Variants in STK32B observed in about 807,000 individuals in gnomAD.
The protein encoded by STK32B is serine/threonine kinase 32B.
In STK32B, 43 loss-of-function variants were observed where a neutral mutation model predicts 52.6. The observed-to-expected ratio is 0.82, with a 90% CI of 0.64 to 1.05. The LOEUF is 1.05. STK32B is among the 50% of genes least tolerant of loss of function. The pLI, the probability that STK32B is intolerant of heterozygous loss-of-function variation, is 0.00. For synonymous variants in STK32B, 238 were observed against 204.3 expected (o/e 1.17, Z -1.41); for missense variants, 621 against 534.6 (o/e 1.16, Z -1.59).
At chr4:5,497,516 A>G (rs1720387093) in intron 11 of STK32B, among the ~76,000 whole-genome samples, 1 of 152,118 alleles carries the variant, frequency 6.6e-6, no homozygotes, top group Non-Finnish European at 1.5e-5. Context: ...CAGTTGCCCT[A>G]CCTGGAGAGC....
At chr4:5,381,494 C>T (rs10937640) in intron 4 of STK32B, among the ~76,000 whole-genome samples, 2 of 151,982 alleles carry the variant, frequency 1.3e-5, no homozygotes, top group Non-Finnish European at 2.9e-5. Context: ...AAGGGGCTTT[C>T]GATTGAATGA....
intron 3 of STK32B, among the ~76,000 whole-genome samples, chr4:5,289,520 G>A (rs1356342346): frequency 1.3e-5 from 2 of 151,904 alleles, no homozygotes; most frequent in Non-Finnish European, 2.9e-5. Context: ...GAGGTGTTCA[G>A]TCTCATTAGA....
chr4:5,321,409 C>T lies in STK32B; in HGVS notation c.261-9811C>T, dbSNP rs148300514. ...TTATAAATGTCTTTTGGAATTTGGC[C>T]CAAGAAGAGCAGTTTGGCTTCATCT... On this transcript the variant is annotated intron_variant, in intron 3 of 11. Coordinates refer to ENST00000282908, the MANE Select transcript of STK32B (RefSeq NM_018401.3). Among the ~76,000 whole-genome samples, 404 of 152,188 alleles carry T rather than the reference C, an allele frequency of 2.7e-3. 1 individual carries two copies. The highest frequency in any genetic ancestry group is 9.1e-3 in the African/African-American group (380 of 41,534).
the STK32B span, among the ~76,000 whole-genome samples, chr4:5,020,252 C>T: frequency 5.9e-5 from 9 of 152,158 alleles, no homozygotes; most frequent in South Asian, 2.1e-4. Context: ...ACTTAGACGC[C>T]GTGGGTGCAA....
intron 3 of STK32B, among the ~76,000 whole-genome samples, chr4:5,323,236 C>G (rs1731638717): frequency 6.6e-6 from 1 of 152,088 alleles, no homozygotes. Context: ...GGCTTGCTAC[C>G]TCTTGAGTTC....
chr4:5,446,671 A>C lies in STK32B; in HGVS notation c.563-2A>C, dbSNP rs757609528. 6 of 1,613,660 alleles carry C rather than the reference A, an allele frequency of 3.7e-6. No individual in the cohort carries two copies. The South Asian group carries it at 6.6e-5, about 18-fold the overall frequency. ...ATGTTCTCCTTGTCCTCTCGTTGGC[A>C]GCTCCAGAAGTATTCCAGGTGTACA... is the stretch of plus-strand genomic sequence containing the variant. On this transcript the variant is annotated splice_acceptor_variant, in intron 6 of 11. Transcript: ENST00000282908. LOFTEE classifies it high-confidence loss of function.
At chr4:5,245,537 CTG>C (rs1460844697) in intron 3 of STK32B, among the ~76,000 whole-genome samples, 1 of 152,098 alleles carries the variant, frequency 6.6e-6, no homozygotes, top group African/African-American at 2.4e-5. Context: ...ATTTGCCAGT[CTG>C]TGTCTTTTAA....
At chr4:5,123,854 C>A (rs1287004583) in intron 1 of STK32B, among the ~76,000 whole-genome samples, 1 of 37,432 alleles carries the variant, frequency 2.7e-5, no homozygotes, top group Non-Finnish European at 7.9e-5. Flanking sequence ...TTACCACCAC[C>A]ACCACCACCA....
chr4:5,244,928 T>C (rs1725328823), intron 3 of STK32B, among the ~76,000 whole-genome samples: 1 of 152,252 alleles, frequency 6.6e-6, no homozygotes, highest in South Asian at 2.1e-4. Context: ...TTGATTGCAC[T>C]GTGGTCTGAG....
At chr4:5,252,151 T>A (rs1725978278) in intron 3 of STK32B, among the ~76,000 whole-genome samples, 1 of 152,182 alleles carries the variant, frequency 6.6e-6, no homozygotes, top group African/African-American at 2.4e-5. Flanking sequence ...AAGAGTAGTT[T>A]CTGTGATGAG....
chr4:5,316,959 AAT>A lies in STK32B; in HGVS notation c.261-14253_261-14252del, dbSNP rs541705116. Among the ~76,000 whole-genome samples, 63 of 25,606 alleles carry A rather than the reference AAT, an allele frequency of 2.5e-3. 4 individuals carry two copies. The highest frequency in any genetic ancestry group is 4.2e-3 in the African/African-American group (6 of 1,426). The allele number at this position is 25,606 out of a possible 152,430, so 16.8% of individuals were successfully genotyped here. A position where few individuals can be genotyped will look rare whatever the true frequency, so the allele number is the denominator to read the frequency against. On this transcript the variant is annotated intron_variant, in intron 3 of 11. Coordinates refer to ENST00000282908, the MANE Select transcript of STK32B (RefSeq NM_018401.3). Reference sequence around the variant, plus strand: ...ATATAATATATAATATGTATGATATAATATATATAATATATATAATATATAAT... The same window carrying A: ...ATATAATATATAATATGTATGATATAATATATAATATATATAATATATAAT...
chr4:5,425,032 C>T (rs1238692870), intron 6 of STK32B, among the ~76,000 whole-genome samples: 4 of 152,134 alleles, frequency 2.6e-5, no homozygotes, highest in South Asian at 2.1e-4. Flanking sequence ...AGCCGGCGCT[C>T]GTGCCAGTGC....
intron 4 of STK32B, among the ~76,000 whole-genome samples, chr4:5,359,511 G>C (rs565732254): frequency 1.3e-5 from 2 of 152,204 alleles, no homozygotes; most frequent in South Asian, 4.1e-4. Context: ...CCATCTTAGT[G>C]CATATGTTCT....
intron 2 of STK32B, among the ~76,000 whole-genome samples, chr4:5,166,738 A>G (rs923645296): frequency 2.0e-5 from 3 of 151,948 alleles, no homozygotes; most frequent in Admixed American, 1.3e-4. Flanking sequence ...ACTATGAGCC[A>G]ATAAATTTCT....
At chr4:5,381,073 A>G (rs555522816) in intron 4 of STK32B, among the ~76,000 whole-genome samples, 1 of 152,306 alleles carries the variant, frequency 6.6e-6, no homozygotes, top group South Asian at 2.1e-4. Context: ...TGTAATCTCC[A>G]TGCAAGTAAG....
chr4:5,154,211 C>CTT lies in STK32B; in HGVS notation c.109-14069_109-14068dup, dbSNP rs3072774. 3.4e-3 allele frequency among the ~76,000 whole-genome samples: 416 copies of CTT among 122,558 alleles called. 5 individuals carry two copies. Among genetic ancestry groups the CTT allele is most frequent in the African/African-American group, 0.011 (346 of 31,498 alleles). The allele number at this position is 122,558 out of a possible 152,430, so 80.4% of individuals were successfully genotyped here. A position where few individuals can be genotyped will look rare whatever the true frequency, so the allele number is the denominator to read the frequency against. On this transcript the variant is annotated intron_variant, in intron 2 of 11. Coordinates refer to ENST00000282908, the MANE Select transcript of STK32B (RefSeq NM_018401.3). ...GGCCTTTTTCAAATGCCTTCCATGT[C>CTT]TTTTTTTTTTTTTTTTTTTTCATGA...
chr4:5,425,131 C>T (rs1242232438), intron 6 of STK32B, among the ~76,000 whole-genome samples: 2 of 152,254 alleles, frequency 1.3e-5, no homozygotes, highest in African/African-American at 2.4e-5. Flanking sequence ...ACCCTCATGG[C>T]TCTGTGCCTG....
chr4:5,330,527 T>A (rs1732163561), intron 3 of STK32B, among the ~76,000 whole-genome samples: 1 of 152,236 alleles, frequency 6.6e-6, no homozygotes, highest in African/African-American at 2.4e-5. Context: ...TGGGCTCAGC[T>A]GGGCTGTTCT....
intron 4 of STK32B, among the ~76,000 whole-genome samples, chr4:5,362,406 C>A (rs780134395): frequency 3.3e-5 from 5 of 152,222 alleles, no homozygotes; most frequent in Non-Finnish European, 5.9e-5. Flanking sequence ...CTCAATGCAT[C>A]ACCATCTCTC....
Sources: allele counts gnomAD v4.1 joint callset (sites outside exome capture counted in the v4.1 genomes callset), GRCh38; gene constraint gnomAD v4.1.1; transcripts MANE v1.5; gene names NCBI Gene and HGNC (gene_info 2026-07-23, HGNC 2026-07-21).